SH3BGRL2: variants seen among roughly 807,000 people sequenced by gnomAD.
SH3BGRL2 encodes the protein SH3 domain-binding glutamic acid-rich-like protein 2.
Under a neutral mutation model 14.8 loss-of-function variants are expected in SH3BGRL2, and 21 were observed. That is an observed-to-expected ratio of 1.42 (90% confidence interval 1.01 to 2.05). SH3BGRL2 has a LOEUF of 2.05. Ranked by LOEUF, SH3BGRL2 falls within the 30% of genes most tolerant of loss-of-function variation. The pLI is 0.00. For missense variants in SH3BGRL2, 147 were observed against 130.8 expected (o/e 1.12, Z -0.61); for synonymous variants, 50 against 47.8 (o/e 1.05, Z -0.19).
the SH3BGRL2 span, among the ~76,000 whole-genome samples, chr6:79,623,810 C>T: frequency 1.0e-3 from 156 of 152,234 alleles, no homozygotes; most frequent in African/African-American, 3.7e-3. Flanking sequence ...CCTCAAAAAT[C>T]ACAGGAAAAA....
the SH3BGRL2 span, among the ~76,000 whole-genome samples, chr6:79,545,074 C>T: frequency 0.018 from 2,713 of 152,266 alleles, 77 homozygotes; most frequent in African/African-American, 0.062. Flanking sequence ...TCAATGTAAA[C>T]AAATGCTGAA....
intron 2 of SH3BGRL2, among the ~76,000 whole-genome samples, chr6:79,686,517 C>A (rs1770093006): frequency 6.6e-6 from 1 of 152,120 alleles, no homozygotes. Context: ...TAGCTCTATG[C>A]TATCCTGCTT....
rs1582746074 is a variant in SH3BGRL2 at position 79,703,027 on chromosome 6, A to T, written c.*3518A>T. The T allele has an allele frequency of 6.6e-6, 1 of 152,386 alleles. No individual in the cohort carries two copies. Among genetic ancestry groups the T allele is most frequent in the East Asian group, 1.9e-4 (1 of 5,190 alleles). The allele number at this position is 152,386 out of a possible 1,614,324, so 9.4% of individuals were successfully genotyped here. On this transcript the variant is annotated 3_prime_UTR_variant, in exon 4 of 4. Transcript: ENST00000369838. ...GAAGGAGGGTGGAGGAAGTGATCAG[A>T]GGGAACGAGCTGTAGGTTTGCAGAA...
chr6:79,683,654 T>G lies in SH3BGRL2; in HGVS notation c.231+9855T>G, dbSNP rs183148963. Among the ~76,000 whole-genome samples, 16 of 152,082 alleles carry G rather than the reference T, an allele frequency of 1.1e-4. No individual in the cohort carries two copies. In the South Asian group the frequency reaches 2.7e-3, roughly 26 times the overall value. On this transcript the variant is annotated intron_variant, in intron 2 of 3. Coordinates refer to ENST00000369838, the MANE Select transcript of SH3BGRL2 (RefSeq NM_031469.4). ...AGTAGAGACGGGGTTTCACCATGTT[T>G]GCCAGGATGGTCTTGATCTCCTGAC...
chr6:79,662,168 G>A (rs1769564666), intron 1 of SH3BGRL2, among the ~76,000 whole-genome samples: 1 of 152,106 alleles, frequency 6.6e-6, no homozygotes, highest in South Asian at 2.1e-4. Context: ...ATTGTTTTGT[G>A]TGAATTTGAT....
At chr6:79,659,178 A>G (rs992665817) in intron 1 of SH3BGRL2, among the ~76,000 whole-genome samples, 1 of 152,134 alleles carries the variant, frequency 6.6e-6, no homozygotes, top group Non-Finnish European at 1.5e-5. Flanking sequence ...TTTTGTTGCC[A>G]TTACTTTTGG....
the SH3BGRL2 span, among the ~76,000 whole-genome samples, chr6:79,542,958 G>A: frequency 6.6e-6 from 1 of 152,118 alleles, no homozygotes. Context: ...GACCACACAA[G>A]AATTAAAATG....
At position 79,670,638 on chromosome 6, in the gene SH3BGRL2, T is replaced by C. The variant is rs569270557; in HGVS notation, c.46-2976T>C. ...CATTTGGGTGCAAGCTGTAGAAAAC[T>C]GGATGAAGAGTGGCGTAACTTATTA... On this transcript the variant is annotated intron_variant, in intron 1 of 3. Coordinates refer to ENST00000369838, the MANE Select transcript of SH3BGRL2 (RefSeq NM_031469.4). Among the ~76,000 whole-genome samples the C allele has an allele frequency of 3.9e-5, 6 of 152,332 alleles. No homozygotes were observed. The East Asian group carries it at 1.2e-3, about 29-fold the overall frequency.
chr6:79,683,746 C>A (rs754401333), intron 2 of SH3BGRL2, among the ~76,000 whole-genome samples: 1 of 152,190 alleles, frequency 6.6e-6, no homozygotes, highest in Non-Finnish European at 1.5e-5. Context: ...CGTGCTCGGC[C>A]GTAAACATCC....
rs1258769201 is a variant in SH3BGRL2, at chr6:79,702,297, G to A, written c.*2788G>A. On this transcript the variant is annotated 3_prime_UTR_variant, in exon 4 of 4. Coordinates refer to ENST00000369838, the MANE Select transcript of SH3BGRL2 (RefSeq NM_031469.4). ...TCTCCCGTTATTGAAAAGTACCAAA[G>A]CTTCTTTCTGTTGTGTTTGATTTTA... 2.6e-5 allele frequency: 4 copies of A among 152,392 alleles called. No homozygotes were observed. The highest frequency in any genetic ancestry group is 4.8e-5 in the African/African-American group (2 of 41,356). The allele number at this position is 152,392 out of a possible 1,614,324, so 9.4% of individuals were successfully genotyped here.
At chr6:79,670,777 T>G (rs904333599) in intron 1 of SH3BGRL2, among the ~76,000 whole-genome samples, 1 of 152,150 alleles carries the variant, frequency 6.6e-6, no homozygotes, top group Non-Finnish European at 1.5e-5. Context: ...TGCTTGAGCA[T>G]ATATTATTTT....
chr6:79,638,611 G>C (rs1768971552), intron 1 of SH3BGRL2, among the ~76,000 whole-genome samples: 1 of 152,062 alleles, frequency 6.6e-6, no homozygotes, highest in African/African-American at 2.4e-5. Context: ...ATCAGCATTT[G>C]TTACTTGGGG....
At chr6:79,655,275 G>A (rs921771004) in intron 1 of SH3BGRL2, among the ~76,000 whole-genome samples, 5 of 152,146 alleles carry the variant, frequency 3.3e-5, no homozygotes, top group African/African-American at 7.2e-5. Flanking sequence ...ATACAGGAAG[G>A]TTCGTGGTTC....
chr6:79,540,436 A>AAAATAAAT, the SH3BGRL2 span, among the ~76,000 whole-genome samples: 188 of 151,486 alleles, frequency 1.2e-3, 1 homozygote, highest in Non-Finnish European at 1.4e-3. Context: ...TTCCGTCTCA[A>AAAATAAAT]AAATAAATAA....
At chr6:79,538,989 C>T in the SH3BGRL2 span, among the ~76,000 whole-genome samples, 1 of 152,178 alleles carries the variant, frequency 6.6e-6, no homozygotes, top group African/African-American at 2.4e-5. Context: ...TTAGTGCCTT[C>T]ATTGTGTTTC....
chr6:79,537,933 A>G, the SH3BGRL2 span, among the ~76,000 whole-genome samples: 10 of 150,538 alleles, frequency 6.6e-5, no homozygotes, highest in South Asian at 2.1e-4. Context: ...TGAATCACCA[A>G]CGAGCCGTGA....
chr6:79,648,854 G>A (rs1465023342), intron 1 of SH3BGRL2, among the ~76,000 whole-genome samples: 5 of 152,158 alleles, frequency 3.3e-5, no homozygotes, highest in Non-Finnish European at 5.9e-5. Flanking sequence ...TGAGGGACAA[G>A]ATTTATTTTA....
the SH3BGRL2 span, among the ~76,000 whole-genome samples, chr6:79,564,719 A>G: frequency 6.6e-6 from 1 of 152,166 alleles, no homozygotes; most frequent in Non-Finnish European, 1.5e-5. Flanking sequence ...AATCTTTTTA[A>G]CATTCAAGAT....
chr6:79,611,079 T>A, the SH3BGRL2 span, among the ~76,000 whole-genome samples: 1 of 152,204 alleles, frequency 6.6e-6, no homozygotes, highest in African/African-American at 2.4e-5. Context: ...TATGATTTTA[T>A]TATTTTTATA....
Sources: allele counts gnomAD v4.1 joint callset (sites outside exome capture counted in the v4.1 genomes callset), GRCh38; gene constraint gnomAD v4.1.1; transcripts MANE v1.5; gene names NCBI Gene and HGNC (gene_info 2026-07-23, HGNC 2026-07-21).